The following SCHIP1 variants were observed in gnomAD, a reference collection of about 807,000 sequenced individuals.
SCHIP1 encodes schwannomin interacting protein 1, also known as schwannomin-interacting protein 1.
Under a neutral mutation model 29.7 loss-of-function variants are expected in SCHIP1, and 8 were observed. The ratio of observed to expected loss-of-function variants is 0.27; its 90% CI spans 0.16 to 0.49. The LOEUF (loss-of-function observed/expected upper bound fraction) is 0.49, where lower values mean the gene tolerates loss of function less well. Ranked by LOEUF, SCHIP1 falls within the 20% of genes least tolerant of loss-of-function variation. The pLI is 0.99. For synonymous variants in SCHIP1, 76 were observed against 94.9 expected (o/e 0.80, Z 1.16); for missense variants, 193 against 294.6 (o/e 0.66, Z 2.52).
At chr3:159,273,681 C>A in the SCHIP1 span, 1 of 1,394,808 alleles carries the variant, frequency 7.2e-7, no homozygotes, top group Non-Finnish European at 9.4e-7. Context: ...GCAAAAGCAT[C>A]ACTTATTTAG....
At chr3:159,777,738 G>T in the SCHIP1 span, among the ~76,000 whole-genome samples, 5 of 152,152 alleles carry the variant, frequency 3.3e-5, no homozygotes, top group Non-Finnish European at 7.4e-5. Context: ...CCAAGGTGTG[G>T]TGGTGAGTCT....
the SCHIP1 span, among the ~76,000 whole-genome samples, chr3:159,538,157 C>T: frequency 1.3e-5 from 2 of 151,986 alleles, no homozygotes; most frequent in Non-Finnish European, 2.9e-5. Flanking sequence ...CAAGGAGTTG[C>T]TATTTTAAAG....
chr3:159,285,544 C>T, the SCHIP1 span, among the ~76,000 whole-genome samples: 1 of 151,972 alleles, frequency 6.6e-6, no homozygotes, highest in Admixed American at 6.6e-5. Context: ...TAAGTTTGAT[C>T]TTCTTTTGCC....
the SCHIP1 span, among the ~76,000 whole-genome samples, chr3:159,419,280 G>A: frequency 6.6e-6 from 1 of 152,112 alleles, no homozygotes; most frequent in South Asian, 2.1e-4. Flanking sequence ...CAGGGCTGGA[G>A]GGAGGACTAG....
At chr3:159,827,361 G>A in the SCHIP1 span, among the ~76,000 whole-genome samples, 1 of 151,954 alleles carries the variant, frequency 6.6e-6, no homozygotes, top group Non-Finnish European at 1.5e-5. Context: ...AAAGATTTAG[G>A]GACCCTTGAC....
chr3:159,726,231 C>CA, the SCHIP1 span, among the ~76,000 whole-genome samples: 9 of 151,976 alleles, frequency 5.9e-5, no homozygotes, highest in African/African-American at 1.5e-4. Context: ...TAAAAGCTAA[C>CA]AAAAAAAATC....
chr3:159,806,234 C>G, the SCHIP1 span, among the ~76,000 whole-genome samples: 4 of 152,308 alleles, frequency 2.6e-5, no homozygotes, highest in South Asian at 8.3e-4. Flanking sequence ...TTGTGGAATA[C>G]CCACTATCTG....
the SCHIP1 span, among the ~76,000 whole-genome samples, chr3:159,315,930 G>T: frequency 5.1e-5 from 7 of 136,932 alleles, no homozygotes; most frequent in East Asian, 2.3e-4. Flanking sequence ...TGTCGGGGAG[G>T]GGGTAGGGGG....
chr3:159,322,967 G>A, the SCHIP1 span, among the ~76,000 whole-genome samples: 2 of 152,172 alleles, frequency 1.3e-5, no homozygotes, highest in South Asian at 2.1e-4. Context: ...CAGTTAATGG[G>A]CAATATCCTC....
chr3:159,423,909 C>T, the SCHIP1 span, among the ~76,000 whole-genome samples: 293 of 152,110 alleles, frequency 1.9e-3, 1 homozygote, highest in Middle Eastern at 3.4e-3. Context: ...CATGAAAAAC[C>T]GCTGTTCTGC....
At chr3:159,502,644 T>TC in the SCHIP1 span, among the ~76,000 whole-genome samples, 1 of 133,316 alleles carries the variant, frequency 7.5e-6, no homozygotes, top group African/African-American at 2.8e-5. Flanking sequence ...CCCTCCCCAC[T>TC]CCCCCCACCC....
the SCHIP1 span, among the ~76,000 whole-genome samples, chr3:159,427,826 G>A: frequency 1.3e-5 from 2 of 152,044 alleles, no homozygotes; most frequent in Non-Finnish European, 2.9e-5. Flanking sequence ...AAAACAGCAT[G>A]GTACTGGTAC....
the SCHIP1 span, among the ~76,000 whole-genome samples, chr3:159,734,136 T>C: frequency 3.7e-5 from 3 of 80,328 alleles, no homozygotes; most frequent in African/African-American, 2.5e-4. Flanking sequence ...TATTGTTTAC[T>C]TTTTTTTTTT....
chr3:159,637,283 T>G, the SCHIP1 span, among the ~76,000 whole-genome samples: 1 of 151,940 alleles, frequency 6.6e-6, no homozygotes, highest in Non-Finnish European at 1.5e-5. Flanking sequence ...ATTTTGGAAC[T>G]CAAGACTTAC....
chr3:159,765,338 G>A, the SCHIP1 span: 2 of 586,122 alleles, frequency 3.4e-6, no homozygotes, highest in Non-Finnish European at 5.5e-6. Context: ...GGGTTTGCAG[G>A]ATGGGCGGAG....
At chr3:159,671,096 C>T in the SCHIP1 span, among the ~76,000 whole-genome samples, 4 of 152,188 alleles carry the variant, frequency 2.6e-5, no homozygotes, top group Admixed American at 2.6e-4. Flanking sequence ...ATGAACAGAG[C>T]AGGTGGTCCT....
chr3:159,383,300 G>A, the SCHIP1 span, among the ~76,000 whole-genome samples: 4 of 151,642 alleles, frequency 2.6e-5, no homozygotes, highest in South Asian at 6.3e-4. Flanking sequence ...TGTAAGGAAG[G>A]GATCCAGTTT....
At chr3:159,690,229 AC>A in the SCHIP1 span, among the ~76,000 whole-genome samples, 5 of 152,084 alleles carry the variant, frequency 3.3e-5, no homozygotes, top group Admixed American at 3.3e-4. Context: ...ATGGTCCTGG[AC>A]TTTTTTGGTT....
At chr3:159,436,206 C>T in the SCHIP1 span, among the ~76,000 whole-genome samples, 1 of 152,146 alleles carries the variant, frequency 6.6e-6, no homozygotes, top group Non-Finnish European at 1.5e-5. Context: ...CTCTTGCACT[C>T]AATCATTTAA....
Sources: allele counts gnomAD v4.1 joint callset (sites outside exome capture counted in the v4.1 genomes callset), GRCh38; gene constraint gnomAD v4.1.1; transcripts MANE v1.5; gene names NCBI Gene and HGNC (gene_info 2026-07-23, HGNC 2026-07-21).